Variants in GRIP1 observed in about 807,000 individuals in gnomAD.
The protein encoded by GRIP1 is glutamate receptor-interacting protein 1.
GRIP1 carries 45 observed loss-of-function variants against 129.9 expected under a neutral mutation model. That is an observed-to-expected ratio of 0.35 (90% CI 0.27 to 0.44). The LOEUF is 0.44. GRIP1 is among the 20% of genes least tolerant of loss of function. GRIP1 has a pLI of 1.00. For missense variants in GRIP1, 1,196 were observed against 1,396.8 expected (o/e 0.86, Z 2.29); for synonymous variants, 530 against 520.8 (o/e 1.02, Z -0.24).
At chr12:66,905,984 G>A (rs761841346) in intron 1 of GRIP1, among the ~76,000 whole-genome samples, 23 of 152,070 alleles carry the variant, frequency 1.5e-4, no homozygotes, top group Middle Eastern at 6.8e-3. Flanking sequence ...GTCAGTTCTC[G>A]ATGTGTAAAA....
intron 2 of GRIP1, among the ~76,000 whole-genome samples, chr12:66,574,231 A>G (rs1228498514): frequency 6.6e-6 from 1 of 152,230 alleles, no homozygotes; most frequent in East Asian, 1.9e-4. Context: ...GGCAGCGTCA[A>G]TTCACTGATA....
rs60982107 is a variant in GRIP1, at chr12:66,393,169, ATTTTTTTTTTTT to A, written c.2130-365_2130-354del. 6.3e-5 allele frequency among the ~76,000 whole-genome samples: 5 copies of A among 78,844 alleles called. No homozygotes were observed. The Admixed American group carries it at 6.6e-4, about 10-fold the overall frequency. The allele number at this position is 78,844 out of a possible 152,430, so 51.7% of individuals were successfully genotyped here. On this transcript the variant is annotated intron_variant, in intron 17 of 24. Transcript: ENST00000359742. ...CATGGAGCATCCTTTCTTTCTACAG[ATTTTTTTTTTTT>A]TTTTTTTTTTTTTTTGAGACAGAGC...
intron 1 of GRIP1, among the ~76,000 whole-genome samples, chr12:66,708,959 T>A (rs1043899749): frequency 6.6e-6 from 1 of 151,746 alleles, no homozygotes; most frequent in Non-Finnish European, 1.5e-5. Context: ...AGATATATTC[T>A]CTCTGATAAA....
intron 15 of GRIP1, among the ~76,000 whole-genome samples, chr12:66,414,751 T>C (rs1199361013): frequency 6.6e-6 from 1 of 151,722 alleles, no homozygotes; most frequent in African/African-American, 2.4e-5. Flanking sequence ...AGCAGACATA[T>C]AGACCAAAGG....
At chr12:67,039,644 T>C (rs908624317) in intron 1 of GRIP1, among the ~76,000 whole-genome samples, 3 of 152,160 alleles carry the variant, frequency 2.0e-5, no homozygotes, top group Non-Finnish European at 2.9e-5. Flanking sequence ...ATAATAATAA[T>C]GACTGCTTCA....
chr12:67,066,883 T>TAC (rs2043635054), intron 1 of GRIP1, among the ~76,000 whole-genome samples: 1 of 63,580 alleles, frequency 1.6e-5, no homozygotes, highest in African/African-American at 5.6e-5. Context: ...AGTTTAAATA[T>TAC]ATATTTATAT....
chr12:66,909,091 T>C (rs558807448), intron 1 of GRIP1, among the ~76,000 whole-genome samples: 1 of 152,250 alleles, frequency 6.6e-6, no homozygotes, highest in Non-Finnish European at 1.5e-5. Context: ...TTTTAAATTT[T>C]TTCTTGCTAA....
rs35445606 is a variant in GRIP1 at position 66,696,804 on chromosome 12, C to CAAA, written c.-419-66471_-419-66469dup. 1.0e-3 allele frequency among the ~76,000 whole-genome samples: 104 copies of CAAA among 103,736 alleles called. 2 individuals carry two copies. The highest frequency in any genetic ancestry group is 3.3e-3 in the African/African-American group (82 of 24,728). 68.1% of individuals were successfully genotyped at this position (103,736 alleles called of 152,430 possible). On this transcript the variant is annotated intron_variant, in intron 1 of 4. Transcript: ENST00000538373. ...TGGGTGACAGAGCAAGACTCTGTCT[C>CAAA]AAAAAAAAAAAAAAAAAAAAAAAAA...
intron 7 of GRIP1, among the ~76,000 whole-genome samples, chr12:66,482,652 A>G (rs908576885): frequency 2.6e-5 from 4 of 152,228 alleles, no homozygotes; most frequent in Non-Finnish European, 5.9e-5. Context: ...GAAAAGTAGG[A>G]TTCCAAAAGC....
In GRIP1 at chr12:66,886,526, G is replaced by T. The variant is rs987167947; in HGVS notation, c.58+182524C>A. On this transcript the variant is annotated intron_variant, in intron 1 of 1. Coordinates refer to the GRIP1 transcript ENST00000643019. Reference sequence around the variant, plus strand: ...TCTTTTTGAAAGCAAATCTAACTGAGCCGTTTCCCTGTTGAAAATGCTCTC... The same window carrying T: ...TCTTTTTGAAAGCAAATCTAACTGATCCGTTTCCCTGTTGAAAATGCTCTC... Among the ~76,000 whole-genome samples, 6 of 151,982 alleles carry T rather than the reference G, an allele frequency of 3.9e-5. No homozygotes were observed. In the East Asian group the frequency reaches 1.2e-3, roughly 29 times the overall value.
At chr12:66,733,285 T>G (rs1027305087) in intron 1 of GRIP1, among the ~76,000 whole-genome samples, 5 of 152,202 alleles carry the variant, frequency 3.3e-5, no homozygotes, top group African/African-American at 1.2e-4. Context: ...TAACATCCCT[T>G]TTCTTTTTTT....
At chr12:66,807,357 CAT>C (rs2039013102), upstream of GRIP1, among the ~76,000 whole-genome samples, 1 of 152,070 alleles carries the variant, frequency 6.6e-6, no homozygotes, top group African/African-American at 2.4e-5. Flanking sequence ...AGTGAGTTCT[CAT>C]GAGATGTGGC....
At chr12:67,040,278 G>C (rs1259403773) in intron 1 of GRIP1, among the ~76,000 whole-genome samples, 1 of 146,932 alleles carries the variant, frequency 6.8e-6, no homozygotes, top group Non-Finnish European at 1.5e-5. Context: ...TCCTACTCCA[G>C]CAAGTTTCTG....
In GRIP1 at chr12:66,816,250, C is replaced by T. The variant is rs58805052; in HGVS notation, c.59-219323G>A. 3.3e-3 allele frequency among the ~76,000 whole-genome samples: 496 copies of T among 152,204 alleles called. 5 individuals are homozygous for T. The highest frequency in any genetic ancestry group is 0.011 in the African/African-American group (453 of 41,532). ...ACTGGAGGACAATTATTTGTCTCCC[C>T]TCACTTACTTTATTGCAGCACTATT... On this transcript the variant is annotated intron_variant, in intron 1 of 1. Transcript: ENST00000643019.
chr12:66,766,653 G>A (rs2037649581), intron 1 of GRIP1, among the ~76,000 whole-genome samples: 1 of 151,962 alleles, frequency 6.6e-6, no homozygotes, highest in Non-Finnish European at 1.5e-5. Flanking sequence ...GGCCTTCCAT[G>A]TAGGGAGATT....
At chr12:66,428,575 G>A (rs1353868269) in intron 14 of GRIP1, among the ~76,000 whole-genome samples, 1 of 152,134 alleles carries the variant, frequency 6.6e-6, no homozygotes, top group Non-Finnish European at 1.5e-5. Context: ...AGGGATGAGT[G>A]GTGTGGTGAA....
chr12:66,816,813 T>C (rs1212808418), intron 1 of GRIP1, among the ~76,000 whole-genome samples: 1 of 152,142 alleles, frequency 6.6e-6, no homozygotes, highest in Non-Finnish European at 1.5e-5. Context: ...AAAGTCATTT[T>C]GAAAAAAACA....
intron 13 of GRIP1, among the ~76,000 whole-genome samples, chr12:66,433,602 T>G (rs367751093): frequency 5.3e-5 from 8 of 152,232 alleles, no homozygotes; most frequent in African/African-American, 1.7e-4. Context: ...AGGAAGAAAT[T>G]GCTACAGATT....
At chr12:66,524,111 C>T (rs914694710) in intron 5 of GRIP1, among the ~76,000 whole-genome samples, 19 of 152,136 alleles carry the variant, frequency 1.2e-4, no homozygotes, top group Admixed American at 1.2e-3. Context: ...CAACATTAGA[C>T]AGATCAACGA....
Sources: gnomAD v4.1 joint callset for allele counts (sites outside exome capture counted in the v4.1 genomes callset) on GRCh38, gnomAD v4.1.1 for gene constraint, MANE v1.5 for transcripts, NCBI Gene and HGNC (gene_info 2026-07-23, HGNC 2026-07-21) for gene names.